The following TBC1D22A variants were observed in gnomAD, a reference collection of about 807,000 sequenced individuals.
TBC1D22A encodes TBC1 domain family member 22A.
In TBC1D22A, 38 loss-of-function variants were observed where a neutral mutation model predicts 60.2. The ratio of observed to expected loss-of-function variants is 0.63; its 90% CI spans 0.49 to 0.83. TBC1D22A has a LOEUF of 0.83. Among genes scored for constraint, TBC1D22A ranks in the 40% least tolerant of loss-of-function variants. The probability of loss-of-function intolerance (pLI) is 0.00; values close to 1 mark genes in which losing one functional copy is unlikely to be tolerated. For missense variants in TBC1D22A, 628 were observed against 701.0 expected (o/e 0.90, Z 1.18); for synonymous variants, 302 against 281.7 (o/e 1.07, Z -0.72).
chr22:46,942,539 C>T (rs556504434), intron 8 of TBC1D22A, among the ~76,000 whole-genome samples: 3 of 152,254 alleles, frequency 2.0e-5, no homozygotes, highest in South Asian at 2.1e-4. Context: ...GGATTCAAAC[C>T]GCGTTAATAT....
chr22:46,915,506 C>T (rs1021906317), intron 8 of TBC1D22A: 3 of 456,580 alleles, frequency 6.6e-6, no homozygotes, highest in African/African-American at 6.0e-5. Context: ...GGTGCAGCTG[C>T]CAGTGGCACT....
At chr22:46,810,950 A>G (rs1328705156) in intron 4 of TBC1D22A, among the ~76,000 whole-genome samples, 2 of 152,186 alleles carry the variant, frequency 1.3e-5, no homozygotes, top group Non-Finnish European at 2.9e-5. Flanking sequence ...GTACCCTTAC[A>G]TGCAGGATGA....
intron 12 of TBC1D22A, among the ~76,000 whole-genome samples, chr22:47,155,833 C>G (rs546017745): frequency 9.2e-5 from 14 of 152,374 alleles, no homozygotes; most frequent in African/African-American, 3.1e-4. Flanking sequence ...TTCTTGTCTT[C>G]TGTGTATCAG....
chr22:46,932,545 T>G (rs1295745949), intron 8 of TBC1D22A, among the ~76,000 whole-genome samples: 1 of 152,018 alleles, frequency 6.6e-6, no homozygotes, highest in Non-Finnish European at 1.5e-5. Flanking sequence ...AAGTAGGAAG[T>G]TTACTTCATT....
chr22:47,172,058 T>TC (rs2068498045), intron 12 of TBC1D22A, among the ~76,000 whole-genome samples: 1 of 107,882 alleles, frequency 9.3e-6, no homozygotes, highest in Non-Finnish European at 2.0e-5. Flanking sequence ...CCAGTGAGCC[T>TC]ACCCAGCACT....
chr22:47,077,966 C>G (rs376578532), intron 11 of TBC1D22A, among the ~76,000 whole-genome samples: 20 of 152,200 alleles, frequency 1.3e-4, no homozygotes, highest in African/African-American at 4.3e-4. Context: ...TGCGCTCCTT[C>G]CTGGAATGGT....
chr22:46,874,560 G>GTTTTTTT (rs1313595862), intron 4 of TBC1D22A, among the ~76,000 whole-genome samples: 2 of 59,184 alleles, frequency 3.4e-5, no homozygotes, highest in African/African-American at 1.3e-4. Flanking sequence ...CTACAGGTAT[G>GTTTTTTT]TCTTTTTTTT....
At chr22:47,110,530 C>T (rs1223740600) in intron 11 of TBC1D22A, among the ~76,000 whole-genome samples, 2 of 152,128 alleles carry the variant, frequency 1.3e-5, no homozygotes, top group African/African-American at 4.8e-5. Context: ...GATGTTTGCT[C>T]ATTTGTCACC....
chr22:46,792,866 A>C lies in TBC1D22A; in HGVS notation c.119+290A>C, dbSNP rs943995987. The C allele has an allele frequency of 4.9e-6, 7 of 1,434,852 alleles. 1 individual carries two copies. Among genetic ancestry groups the C allele is most frequent in the Admixed American group, 2.9e-5 (1 of 34,900 alleles). The allele number at this position is 1,434,852 out of a possible 1,614,324, so 88.9% of individuals were successfully genotyped here. A position where few individuals can be genotyped will look rare whatever the true frequency, so the allele number is the denominator to read the frequency against. ...CTTTAGCCATGGGCAGCCTGGCTGCAGGCCATCCATGCTGGCTTGTCCTTT... is the reference window on the plus strand; with the variant it reads ...CTTTAGCCATGGGCAGCCTGGCTGCCGGCCATCCATGCTGGCTTGTCCTTT... On this transcript the variant is annotated intron_variant, in intron 2 of 12. Coordinates refer to ENST00000337137, the MANE Select transcript of TBC1D22A (RefSeq NM_014346.5).
chr22:46,878,627 T>G (rs767063326), intron 4 of TBC1D22A, 26 bp from the exon 5 acceptor site: 1 of 1,612,200 alleles, frequency 6.2e-7, no homozygotes, highest in South Asian at 1.1e-5. Context: ...AATCTTGTTT[T>G]TCCTTGTCTC....
At chr22:47,132,622 C>T (rs1003670050) in intron 12 of TBC1D22A, among the ~76,000 whole-genome samples, 2 of 152,226 alleles carry the variant, frequency 1.3e-5, no homozygotes, top group African/African-American at 4.8e-5. Flanking sequence ...GTGCGAGTGG[C>T]CTTTCTTCCT....
intron 8 of TBC1D22A, among the ~76,000 whole-genome samples, chr22:46,973,487 C>T (rs1031136556): frequency 2.0e-5 from 3 of 152,214 alleles, no homozygotes; most frequent in African/African-American, 7.2e-5. Flanking sequence ...AACCTTTCTA[C>T]ATATATTCTG....
chr22:46,888,304 C>T (rs190337836), intron 5 of TBC1D22A, among the ~76,000 whole-genome samples: 25 of 152,316 alleles, frequency 1.6e-4, no homozygotes, highest in Non-Finnish European at 3.4e-4. Context: ...CAGAGGGTGA[C>T]GTGGCTCCCA....
In TBC1D22A at chr22:46,935,454, CCT is replaced by C. The variant is rs568195307; in HGVS notation, c.1015+23267_1015+23268del. On this transcript the variant is annotated intron_variant, in intron 8 of 12. Transcript: ENST00000337137. The stretch of plus-strand genomic sequence containing the variant: ...GATGCACCCCCACTCCCCCGCAGCC[CCT>C]GTCACAAGGGCCGTATGGGCAGTTT... Among the ~76,000 whole-genome samples, 1,283 of 152,344 alleles carry C rather than the reference CCT, an allele frequency of 8.4e-3. 16 individuals carry two copies. Among genetic ancestry groups the C allele is most frequent in the Middle Eastern group, 0.027 (8 of 294 alleles).
At chr22:47,152,752 C>T (rs894816698) in intron 12 of TBC1D22A, among the ~76,000 whole-genome samples, 3 of 152,282 alleles carry the variant, frequency 2.0e-5, no homozygotes, top group Admixed American at 6.5e-5. Context: ...GGCCCGGGCA[C>T]GGGGCCTCTG....
intron 4 of TBC1D22A, among the ~76,000 whole-genome samples, chr22:46,826,102 C>T (rs1051238964): frequency 2.0e-5 from 3 of 151,826 alleles, no homozygotes; most frequent in South Asian, 4.2e-4. Context: ...ATGATGGTCT[C>T]GATCTCCTGA....
At chr22:47,139,183 A>G (rs1172345612) in intron 12 of TBC1D22A, among the ~76,000 whole-genome samples, 1 of 152,138 alleles carries the variant, frequency 6.6e-6, no homozygotes, top group Non-Finnish European at 1.5e-5. Context: ...TATGTGCTTC[A>G]GTCACCGTTC....
chr22:47,119,096 C>G (rs2066177217), intron 12 of TBC1D22A, among the ~76,000 whole-genome samples: 1 of 152,146 alleles, frequency 6.6e-6, no homozygotes, highest in Non-Finnish European at 1.5e-5. Flanking sequence ...TTGCAGTGAG[C>G]CGAGACCACA....
At chr22:47,145,063 C>T (rs534554526) in intron 12 of TBC1D22A, among the ~76,000 whole-genome samples, 4 of 152,342 alleles carry the variant, frequency 2.6e-5, no homozygotes, top group East Asian at 1.9e-4. Context: ...CCGGCTGCAG[C>T]GTTTTTCTGT....
Sources: gnomAD v4.1 joint callset for allele counts (sites outside exome capture counted in the v4.1 genomes callset) on GRCh38, gnomAD v4.1.1 for gene constraint, MANE v1.5 for transcripts, NCBI Gene and HGNC (gene_info 2026-07-23, HGNC 2026-07-21) for gene names.